Variants in IL1RAPL1 observed in about 807,000 individuals in gnomAD.
IL1RAPL1 encodes interleukin-1 receptor accessory protein-like 1.
Under a neutral mutation model 48.4 loss-of-function variants are expected in IL1RAPL1, and 3 were observed. That is an observed-to-expected ratio of 0.06 (90% CI 0.03 to 0.16). The LOEUF (loss-of-function observed/expected upper bound fraction) is 0.16, where lower values mean the gene tolerates loss of function less well. Among genes scored for constraint, IL1RAPL1 ranks in the 10% least tolerant of loss-of-function variants. The pLI, the probability that IL1RAPL1 is intolerant of heterozygous loss-of-function variation, is 1.00. For missense variants in IL1RAPL1, 349 were observed against 530.6 expected (o/e 0.66, Z 3.36); for synonymous variants, 185 against 187.7 (o/e 0.99, Z 0.12).
chrX:28,807,271 A>C (rs1394363325), intron 2 of IL1RAPL1, among the ~76,000 whole-genome samples: 1 of 111,427 alleles, frequency 9.0e-6, no homozygotes, highest in Admixed American at 9.6e-5. Flanking sequence ...CTTTAGACCT[A>C]ATATGGAATT....
chrX:29,484,592 A>G (rs1935077637), intron 5 of IL1RAPL1, among the ~76,000 whole-genome samples: 1 of 111,734 alleles, frequency 8.9e-6, no homozygotes, highest in African/African-American at 3.3e-5. Flanking sequence ...AAGAATGGTT[A>G]TTGTTATTTC....
At chrX:29,299,637 AAAAC>A (rs370530440) in intron 3 of IL1RAPL1, among the ~76,000 whole-genome samples, 145 of 112,369 alleles carry the variant, frequency 1.3e-3, no homozygotes, top group African/African-American at 4.4e-3. Context: ...GCTAGTGAAT[AAAAC>A]AAACAAACAG....
At chrX:29,184,335 G>A (rs752335330) in intron 2 of IL1RAPL1, among the ~76,000 whole-genome samples, 1 of 111,371 alleles carries the variant, frequency 9.0e-6, no homozygotes, top group Non-Finnish European at 1.9e-5. Context: ...ATTAACCAGT[G>A]CTCACCTGAG....
chrX:29,146,075 CT>C (rs1227814961), intron 2 of IL1RAPL1, among the ~76,000 whole-genome samples: 1 of 110,821 alleles, frequency 9.0e-6, no homozygotes, highest in Non-Finnish European at 1.9e-5. Flanking sequence ...AAGACCTCTA[CT>C]TTCACTGTGA....
In IL1RAPL1 at chrX:29,909,322, C is replaced by A. The variant is rs191024542; in HGVS notation, c.779-8142C>A. Among the ~76,000 whole-genome samples the A allele has an allele frequency of 3.3e-3, 369 of 111,219 alleles. 1 individual carries two copies. Among genetic ancestry groups the A allele is most frequent in the African/African-American group, 0.011 (349 of 30,614 alleles). On this transcript the variant is annotated intron_variant, in intron 6 of 10. Transcript: ENST00000378993. ...TACACATGCCTATAGTTCCAGCTAC[C>A]CAGGAGGATGAGGTGAGAGGATTGC...
intron 2 of IL1RAPL1, among the ~76,000 whole-genome samples, chrX:29,231,359 C>T (rs1017180941): frequency 7.2e-5 from 8 of 111,516 alleles, no homozygotes; most frequent in Non-Finnish European, 1.1e-4. Context: ...ATAAAAAGCA[C>T]CCACCCCGCT....
At chrX:29,464,579 AAAG>A (rs1203461932) in intron 5 of IL1RAPL1, among the ~76,000 whole-genome samples, 1 of 112,253 alleles carries the variant, frequency 8.9e-6, no homozygotes, top group Non-Finnish European at 1.9e-5. Context: ...TAAAAGTAAC[AAAG>A]AAGTTTTAAA....
chrX:29,120,643 T>C (rs1271471894), intron 2 of IL1RAPL1, among the ~76,000 whole-genome samples: 2 of 111,820 alleles, frequency 1.8e-5, no homozygotes, highest in African/African-American at 6.5e-5. Flanking sequence ...GGGTTCCGTA[T>C]GAATTTTAGA....
chrX:29,923,336 A>G (rs1361089996), intron 8 of IL1RAPL1, among the ~76,000 whole-genome samples: 1 of 112,357 alleles, frequency 8.9e-6, no homozygotes, highest in Non-Finnish European at 1.9e-5. Flanking sequence ...CAGAAAAGGT[A>G]TTAGGTTCAT....
chrX:29,130,691 A>G (rs1351221017), intron 2 of IL1RAPL1, among the ~76,000 whole-genome samples: 2 of 111,909 alleles, frequency 1.8e-5, no homozygotes, highest in African/African-American at 6.5e-5. Context: ...GGTATTTGCC[A>G]TCATAAATGG....
At chrX:29,326,664 A>G (rs1319824712) in intron 3 of IL1RAPL1, among the ~76,000 whole-genome samples, 1 of 112,278 alleles carries the variant, frequency 8.9e-6, no homozygotes, top group Non-Finnish European at 1.9e-5. Flanking sequence ...GAAGAATAAT[A>G]TAGCCACCAT....
At chrX:29,564,508 C>A (rs190692327) in intron 5 of IL1RAPL1, among the ~76,000 whole-genome samples, 91 of 112,849 alleles carry the variant, frequency 8.1e-4, no homozygotes, top group Non-Finnish European at 1.5e-3. Context: ...CCATGTGGGC[C>A]CAATCTTTTG....
intron 2 of IL1RAPL1, among the ~76,000 whole-genome samples, chrX:28,915,107 A>T (rs1601956848): frequency 9.0e-6 from 1 of 111,624 alleles, no homozygotes; most frequent in Admixed American, 9.6e-5. Flanking sequence ...CATAAGGAGC[A>T]TGCAGCCTAG....
intron 2 of IL1RAPL1, among the ~76,000 whole-genome samples, chrX:29,129,233 G>A (rs1479644081): frequency 9.1e-6 from 1 of 109,577 alleles, no homozygotes; most frequent in Non-Finnish European, 1.9e-5. Context: ...AGTAGAGACA[G>A]GGTTTCTCCA....
intron 1 of IL1RAPL1, among the ~76,000 whole-genome samples, chrX:28,651,823 A>G (rs1488170900): frequency 1.8e-5 from 2 of 111,667 alleles, no homozygotes; most frequent in Non-Finnish European, 3.8e-5. Context: ...TCTGCAATGT[A>G]AGTACTTTAG....
intron 2 of IL1RAPL1, among the ~76,000 whole-genome samples, chrX:28,964,168 A>G (rs1924860929): frequency 8.9e-6 from 1 of 111,736 alleles, no homozygotes; most frequent in African/African-American, 3.2e-5. Flanking sequence ...ATGGTATAAC[A>G]TAAGAAGAAG....
intron 6 of IL1RAPL1, among the ~76,000 whole-genome samples, chrX:29,714,199 C>T (rs937460275): frequency 9.0e-6 from 1 of 111,709 alleles, no homozygotes; most frequent in Non-Finnish European, 1.9e-5. Context: ...ATATCCCCCC[C>T]ACTGTTTTCA....
chrX:29,563,225 C>T (rs370051408), intron 5 of IL1RAPL1, among the ~76,000 whole-genome samples: 11 of 111,505 alleles, frequency 9.9e-5, no homozygotes, highest in African/African-American at 3.6e-4. Context: ...TTATGTATTC[C>T]AGATAATCTT....
intron 3 of IL1RAPL1, among the ~76,000 whole-genome samples, chrX:29,328,765 T>C (rs1341105253): frequency 1.8e-5 from 2 of 110,386 alleles, no homozygotes; most frequent in East Asian, 5.7e-4. Flanking sequence ...GCTCTGTTCA[T>C]TTTTCAGAAT....
Sources: allele counts gnomAD v4.1 joint callset (sites outside exome capture counted in the v4.1 genomes callset), GRCh38; gene constraint gnomAD v4.1.1; transcripts MANE v1.5; gene names NCBI Gene and HGNC (gene_info 2026-07-23, HGNC 2026-07-21).